Variants in ABCC8 observed in about 807,000 individuals in gnomAD.
The protein encoded by ABCC8 is ATP binding cassette subfamily C member 8.
Under a neutral mutation model 188.0 loss-of-function variants are expected in ABCC8, and 137 were observed. The observed-to-expected ratio is 0.73, with a 90% confidence interval of 0.63 to 0.84. The LOEUF (loss-of-function observed/expected upper bound fraction) is 0.84, where lower values mean the gene tolerates loss of function less well. ABCC8 is among the 40% of genes least tolerant of loss of function. The probability of loss-of-function intolerance (pLI) is 0.00; values close to 1 mark genes in which losing one functional copy is unlikely to be tolerated. For synonymous variants in ABCC8, 797 were observed against 846.5 expected (o/e 0.94, Z 1.01); for missense variants, 1,750 against 2,072.7 (o/e 0.84, Z 3.02).
At chr11:17,468,100 C>T (rs1190718743) in intron 3 of ABCC8, among the ~76,000 whole-genome samples, 4 of 152,156 alleles carry the variant, frequency 2.6e-5, no homozygotes, top group Non-Finnish European at 4.4e-5. Flanking sequence ...TAACATCTCC[C>T]CTCTCAACCT....
chr11:17,396,076 C>G (rs1953912727), intron 33 of ABCC8, 146 bp from the exon 34 acceptor site: 1 of 1,499,246 alleles, frequency 6.7e-7, no homozygotes, highest in Admixed American at 2.0e-5. Context: ...CTTTGGACAC[C>G]ACAGGTTTGG....
chr11:17,461,124 T>C, intron 5 of ABCC8: 1 of 330,406 alleles, frequency 3.0e-6, no homozygotes, highest in South Asian at 2.8e-5. Flanking sequence ...TCACAGCCTT[T>C]CTCAGGGCCT....
intron 19 of ABCC8, 161 bp from the exon 20 acceptor site, chr11:17,413,639 A>G: frequency 6.9e-7 from 1 of 1,444,236 alleles, no homozygotes; most frequent in Non-Finnish European, 9.5e-7. Context: ...TGAGCTTGAA[A>G]AGAGCTGAGG....
intron 8 of ABCC8, chr11:17,448,201 C>T (rs1956614150): frequency 1.1e-5 from 4 of 371,720 alleles, no homozygotes; most frequent in South Asian, 1.0e-4. Flanking sequence ...CTTCCTGCCT[C>T]AGCCTCCCAA....
rs1372171503 is a variant in ABCC8, at chr11:17,476,657, G to T, written c.120C>A (p.Leu40=). ...ALNVVPHVFL[L]FITFPILFIG... ...TGAAGAGGATGGGGAAGGTGATGAA[G>T]AGTAGGAAGACGTGCGGCACCACGT... The change falls in exon 1 of 39, where the codon CTC becomes CTA. Residue 40 remains leucine (L), a synonymous_variant. Transcript: ENST00000389817. 4 of 1,612,268 alleles carry T rather than the reference G, an allele frequency of 2.5e-6. No individual in the cohort carries two copies. Among genetic ancestry groups the T allele is most frequent in the Non-Finnish European group, 3.4e-6 (4 of 1,179,382 alleles).
intron 3 of ABCC8, among the ~76,000 whole-genome samples, chr11:17,466,209 G>A (rs952030939): frequency 6.6e-6 from 1 of 152,034 alleles, no homozygotes; most frequent in Non-Finnish European, 1.5e-5. Context: ...GACCAGCCTA[G>A]CCAATATGGT....
At position 17,431,066 on chromosome 11, in the gene ABCC8, G is replaced by C; in HGVS notation, c.1672-107C>G. ...GAAATGAGAGGGCTGTCAGGGAGCA[G>C]GCTCCTAAGAGGATCTTTTAGTTGG... is the stretch of plus-strand genomic sequence containing the variant. On this transcript the variant is annotated intron_variant, in intron 11 of 38. Transcript: ENST00000389817. 2.0e-6 allele frequency: 3 copies of C among 1,531,026 alleles called. No individual in the cohort carries two copies. The South Asian group carries it at 3.6e-5, about 18-fold the overall frequency. 94.8% of individuals were successfully genotyped at this position (1,531,026 alleles called of 1,614,324 possible). A position where few individuals can be genotyped will look rare whatever the true frequency, so the allele number is the denominator to read the frequency against.
intron 17 of ABCC8, among the ~76,000 whole-genome samples, chr11:17,416,046 A>T (rs1955058149): frequency 6.6e-6 from 1 of 152,214 alleles, no homozygotes; most frequent in Non-Finnish European, 1.5e-5. Context: ...AAATATGATC[A>T]CTACCATTAC....
intron 3 of ABCC8, among the ~76,000 whole-genome samples, chr11:17,466,412 A>T (rs1848152261): frequency 6.6e-6 from 1 of 151,706 alleles, no homozygotes; most frequent in African/African-American, 2.4e-5. Context: ...AAAAAAAAAA[A>T]AAAAAAAGAC....
Position 17,412,802 on chromosome 11 carries a change from C to T in ABCC8, c.2476-56G>A, listed in dbSNP as rs1954878850. On this transcript the variant is annotated intron_variant, in intron 20 of 38. Coordinates refer to ENST00000389817, the MANE Select transcript of ABCC8 (RefSeq NM_000352.6). The stretch of plus-strand genomic sequence containing the variant: ...CCTCAGCCATTCAGGAGACACTGTC[C>T]TGTACCCTACTGGACTATGAGCTCT... 10 of 1,563,350 alleles carry T rather than the reference C, an allele frequency of 6.4e-6. No individual in the cohort carries two copies. In the South Asian group the frequency reaches 7.1e-5, roughly 11 times the overall value.
At chr11:17,464,495 TC>T (rs1253556978) in intron 3 of ABCC8, among the ~76,000 whole-genome samples, 1 of 152,236 alleles carries the variant, frequency 6.6e-6, no homozygotes, top group African/African-American at 2.4e-5. Context: ...CTTAGTTTCC[TC>T]ATCCATTAAG....
At chr11:17,471,481 C>T (rs1159813844) in intron 2 of ABCC8, among the ~76,000 whole-genome samples, 1 of 152,172 alleles carries the variant, frequency 6.6e-6, no homozygotes, top group Admixed American at 6.5e-5. Flanking sequence ...AGTATCTTCC[C>T]CTTATTCTGT....
chr11:17,400,257 C>T lies in ABCC8; in HGVS notation c.3651-1816G>A, dbSNP rs58871542. Among the ~76,000 whole-genome samples the T allele has an allele frequency of 3.3e-3, 508 of 152,188 alleles. 2 individuals are homozygous for T. Among genetic ancestry groups the T allele is most frequent in the African/African-American group, 0.012 (481 of 41,490 alleles). ...AGGGTGGAGACGTGTGGGAGGGTGACGTGTCTGCAGTGAGTGTGAAACCAT... is the reference window on the plus strand; with the variant it reads ...AGGGTGGAGACGTGTGGGAGGGTGATGTGTCTGCAGTGAGTGTGAAACCAT... On this transcript the variant is annotated intron_variant, in intron 29 of 38. Coordinates refer to ENST00000389817, the MANE Select transcript of ABCC8 (RefSeq NM_000352.6).
chr11:17,442,770 C>T lies in ABCC8; in HGVS notation c.1580G>A (p.Arg527Lys). Residue 527 changes from arginine (R) to lysine (K), a missense_variant, in exon 10 of 39, where the codon AGG (arginine) becomes AAG (lysine). By Grantham distance (26) the Arg-to-Lys change is conservative (BLOSUM62 2). Coordinates refer to ENST00000389817, the MANE Select transcript of ABCC8 (RefSeq NM_000352.6). ...IFRTRVETTR[R>K]KEMTSLRAFA... Reference sequence around the variant, plus strand: ...GGCCCTGAGGCTGGTCATCTCCTTCCTGCGGGTCGTCTCCACCCGCGTGCG... The same window carrying T: ...GGCCCTGAGGCTGGTCATCTCCTTCTTGCGGGTCGTCTCCACCCGCGTGCG... The T allele has an allele frequency of 1.2e-6, 2 of 1,614,060 alleles. No homozygotes were observed. The highest frequency in any genetic ancestry group is 1.7e-6 in the Non-Finnish European group (2 of 1,180,042).
chr11:17,426,357 G>C (rs554848504), intron 16 of ABCC8, among the ~76,000 whole-genome samples: 1 of 152,300 alleles, frequency 6.6e-6, no homozygotes, highest in African/African-American at 2.4e-5. Context: ...GTTGTTTCCT[G>C]ACTTTTTAAC....
At chr11:17,450,260 C>T (rs1475898989) in intron 7 of ABCC8, among the ~76,000 whole-genome samples, 6 of 67,708 alleles carry the variant, frequency 8.9e-5, no homozygotes, top group East Asian at 6.0e-4. Context: ...TTCTTTCTTT[C>T]TCTTTCTTTC....
At chr11:17,420,077 C>G (rs950408712) in intron 16 of ABCC8, among the ~76,000 whole-genome samples, 3 of 152,112 alleles carry the variant, frequency 2.0e-5, no homozygotes, top group Non-Finnish European at 2.9e-5. Context: ...ATCAGATACC[C>G]CCAACACTCA....
intron 3 of ABCC8, 58 bp downstream of exon 3, chr11:17,470,043 A>T: frequency 6.3e-7 from 1 of 1,593,048 alleles, no homozygotes; most frequent in Non-Finnish European, 8.6e-7. Context: ...AGTCCTCAGT[A>T]AACATTATCT....
rs113607702 is a variant in ABCC8 at position 17,451,322 on chromosome 11, C to T, written c.1176+1797G>A. ...AGCTTGGTTCCTCCCAGCTCTGGGC[C>T]CCCATGAGTCTTAGAAGGTCTTAGA... is the stretch of plus-strand genomic sequence containing the variant. On this transcript the variant is annotated intron_variant, in intron 7 of 38. Transcript: ENST00000389817. Among the ~76,000 whole-genome samples the T allele has an allele frequency of 3.7e-3, 557 of 152,216 alleles. 2 individuals carry two copies. The highest frequency in any genetic ancestry group is 0.013 in the African/African-American group (527 of 41,518).
Sources: allele counts gnomAD v4.1 joint callset (sites outside exome capture counted in the v4.1 genomes callset), GRCh38; gene constraint gnomAD v4.1.1; transcripts MANE v1.5; gene names NCBI Gene and HGNC (gene_info 2026-07-23, HGNC 2026-07-21).